The following PHACTR2 variants were observed in gnomAD, a reference collection of about 807,000 sequenced individuals.
PHACTR2 encodes the protein phosphatase and actin regulator 2, also known as chromosome 6 open reading frame 56.
A neutral mutation model predicts 76.0 loss-of-function variants in PHACTR2; 30 were observed. The observed-to-expected ratio is 0.39, with a 90% CI of 0.30 to 0.54. The LOEUF (loss-of-function observed/expected upper bound fraction) is 0.54. PHACTR2 is among the 20% of genes least tolerant of loss of function. The probability of loss-of-function intolerance (pLI) is 0.61; values close to 1 mark genes in which losing one functional copy is unlikely to be tolerated. For missense variants in PHACTR2, 696 were observed against 781.1 expected (o/e 0.89, Z 1.30); for synonymous variants, 292 against 292.5 (o/e 1.00, Z 0.02).
In PHACTR2 at chr6:143,581,664, T is replaced by C. The variant is rs1367005740; in HGVS notation, c.217+44457T>C. ...GGGCAACATGATGAAACCCTGTCTC[T>C]ACCAAAAAATACGAACATTAGCTGG... On this transcript the variant is annotated intron_variant, in intron 1 of 11. Transcript: ENST00000367584. This position sits in a 1 kb window ranked among gnomAD's most constrained non-coding sequence, Gnocchi z 4.5. Among the ~76,000 whole-genome samples the C allele has an allele frequency of 1.3e-5, 2 of 152,008 alleles. No individual in the cohort carries two copies. Among genetic ancestry groups the C allele is most frequent in the Admixed American group, 6.5e-5 (1 of 15,268 alleles).
intron 1 of PHACTR2, among the ~76,000 whole-genome samples, chr6:143,576,580 A>C (rs1374266263): frequency 6.6e-6 from 1 of 152,186 alleles, no homozygotes; most frequent in Non-Finnish European, 1.5e-5. Context: ...TTAACTTAAA[A>C]ATTGTTTGAA....
intron 1 of PHACTR2, among the ~76,000 whole-genome samples, chr6:143,638,577 A>ACACC (rs1491259868): frequency 1.0e-4 from 2 of 19,338 alleles, no homozygotes; most frequent in Admixed American, 1.4e-3. Context: ...ACACACACAT[A>ACACC]CACACACACA....
rs765641113 is a variant in PHACTR2, at chr6:143,765,351, A to C, written c.785A>C (p.Lys262Thr). Reference protein sequence around the residue: ...SSTSSRPKASKETVSSKAGTV... With the variant: ...SSTSSRPKASTETVSSKAGTV... ...ACCTCATCTCGTCCCAAAGCTTCAA[A>C]GGAGACAGTTTCTAGCAAAGCAGGG... The change falls in exon 6 of 13, where the codon AAG becomes ACG. Residue 262 changes from lysine (K) to threonine (T), a missense_variant. Around this residue, in one of 2 missense-constraint regions of PHACTR2, gnomAD observed 460 missense variants for 450.9 expected, o/e 1.02. Coordinates refer to ENST00000440869, the MANE Select transcript of PHACTR2 (RefSeq NM_001100164.2). This position sits in a 1 kb window ranked among gnomAD's most constrained non-coding sequence, Gnocchi z 4.1. 1 of 1,614,200 alleles carries C rather than the reference A, an allele frequency of 6.2e-7. No homozygotes were observed. The highest frequency in any genetic ancestry group is 8.5e-7 in the Non-Finnish European group (1 of 1,180,022).
At chr6:143,741,424 C>G (rs1180142799) in intron 2 of PHACTR2, among the ~76,000 whole-genome samples, 1 of 152,120 alleles carries the variant, frequency 6.6e-6, no homozygotes, top group Non-Finnish European at 1.5e-5. Flanking sequence ...ACCCGGGAGG[C>G]AGAGGTTACA....
chr6:143,614,771 C>T (rs1277465864), intron 1 of PHACTR2, among the ~76,000 whole-genome samples: 4 of 152,130 alleles, frequency 2.6e-5, no homozygotes, highest in Non-Finnish European at 5.9e-5. Flanking sequence ...ATAAACATCA[C>T]CATCAGATGA....
At position 143,548,076 on chromosome 6, in the gene PHACTR2, C is replaced by G. The variant is rs1380002792; in HGVS notation, c.217+10869C>G. 6.6e-6 allele frequency among the ~76,000 whole-genome samples: 1 copy of G among 152,134 alleles called. No homozygotes were observed. The highest frequency in any genetic ancestry group is 2.4e-5 in the African/African-American group (1 of 41,412). ...GAAGTTTATTTCTCTTATTATGTCT[C>G]ACAGTTCTGGAGGCTGGAAGTTCAA... On this transcript the variant is annotated intron_variant, in intron 1 of 11. Transcript: ENST00000367584. The surrounding 1 kb of genome is among the most constrained non-coding windows in gnomAD (Gnocchi z 4.5).
intron 1 of PHACTR2, among the ~76,000 whole-genome samples, chr6:143,620,579 T>C (rs1308128592): frequency 6.6e-6 from 1 of 152,220 alleles, no homozygotes; most frequent in African/African-American, 2.4e-5. Flanking sequence ...TTTATAGATA[T>C]GAAACTAAGG....
intron 5 of PHACTR2, among the ~76,000 whole-genome samples, chr6:143,762,666 G>A (rs1562297235): frequency 3.3e-5 from 5 of 152,128 alleles, no homozygotes; most frequent in Admixed American, 3.3e-4. Flanking sequence ...TGCTACTCTT[G>A]ATGTTCAGCC....
rs542168637 is a variant in PHACTR2, at chr6:143,806,367, A to C, written c.1846-690A>C. On this transcript the variant is annotated intron_variant, in intron 11 of 12. Transcript: ENST00000440869. This position sits in a 1 kb window ranked among gnomAD's most constrained non-coding sequence, Gnocchi z 5.8. ...AAACTTCCAATATTAAAGAATATAT[A>C]AGCAACTGCTTTCTCTGTAGCTCTC... Among the ~76,000 whole-genome samples the C allele has an allele frequency of 8.0e-4, 122 of 152,336 alleles. 1 individual carries two copies. The highest frequency in any genetic ancestry group is 4.9e-3 in the Admixed American group (75 of 15,300).
intron 1 of PHACTR2, among the ~76,000 whole-genome samples, chr6:143,568,269 T>C (rs1046291616): frequency 6.6e-6 from 1 of 152,128 alleles, no homozygotes; most frequent in Non-Finnish European, 1.5e-5. Flanking sequence ...CTCCATGAAA[T>C]GGGTACCATA....
At chr6:143,810,467 T>C in intron 12 of PHACTR2, 1 of 383,940 alleles carries the variant, frequency 2.6e-6, no homozygotes, top group Non-Finnish European at 5.3e-6. Flanking sequence ...GGTCGAGAGG[T>C]TTATATTCTA....
rs377646509 is a variant in PHACTR2 at position 143,753,833 on chromosome 6, T to C, written c.375T>C (p.Asn125=). ...GAGAGGAATCTACCCGAGAGGAAAA[T>C]GTAGTAAAGTCTGAAGAAGGTAATG... The part of the protein sequence containing the change: ...PIGEESTREE[N]VVKSEEGNGS... Residue 125 remains asparagine, a synonymous_variant, in exon 4 of 13, where the codon AAT becomes AAC. Transcript: ENST00000440869. The surrounding 1 kb of genome is among the most constrained non-coding windows in gnomAD (Gnocchi z 4.6). 309 of 1,612,554 alleles carry C rather than the reference T, an allele frequency of 1.9e-4. 1 individual carries two copies. The highest frequency in any genetic ancestry group is 2.5e-4 in the Non-Finnish European group (289 of 1,179,232).
chr6:143,610,911 C>T lies in PHACTR2; in HGVS notation c.13+2589C>T, dbSNP rs1160840715. On this transcript the variant is annotated intron_variant, in intron 1 of 11. Transcript: ENST00000305766. The surrounding 1 kb of genome is among the most constrained non-coding windows in gnomAD (Gnocchi z 4.9). Reference sequence around the variant, plus strand: ...ATCTAACATTTTCTTCTTTTTTTTTCAAATGGCTATTTCTTCTTAGAAGTT... The same window carrying T: ...ATCTAACATTTTCTTCTTTTTTTTTTAAATGGCTATTTCTTCTTAGAAGTT... Among the ~76,000 whole-genome samples the T allele has an allele frequency of 6.6e-6, 1 of 150,600 alleles. No homozygotes were observed. The highest frequency in any genetic ancestry group is 2.4e-5 in the African/African-American group (1 of 41,032).
chr6:143,605,184 A>C (rs1424282017), upstream of PHACTR2, among the ~76,000 whole-genome samples: 5 of 152,128 alleles, frequency 3.3e-5, no homozygotes, highest in African/African-American at 1.2e-4. The surrounding 1 kb of genome is among the most constrained non-coding windows in gnomAD (Gnocchi z 5.0). Context: ...GTGGGATCAC[A>C]CTGAGGGTAC....
chr6:143,575,189 T>C (rs1174063894), intron 1 of PHACTR2, among the ~76,000 whole-genome samples: 2 of 152,254 alleles, frequency 1.3e-5, no homozygotes, highest in Admixed American at 1.3e-4. Context: ...AATTAATTTC[T>C]CCATATTGTT....
In PHACTR2 at chr6:143,772,166, C is replaced by G. The variant is rs1221984751; in HGVS notation, c.1233-92C>G. ...TCTGCTTTCCTCAGCCTGAAGGAAG[C>G]CCATGAAACTAGAGCTCTTTTTCTT... On this transcript the variant is annotated intron_variant, in intron 6 of 12. Coordinates refer to ENST00000440869, the MANE Select transcript of PHACTR2 (RefSeq NM_001100164.2). The surrounding 1 kb of genome is among the most constrained non-coding windows in gnomAD (Gnocchi z 5.4). The G allele has an allele frequency of 1.2e-6, 1 of 838,622 alleles. No individual in the cohort carries two copies. Among genetic ancestry groups the G allele is most frequent in the African/African-American group, 1.7e-5 (1 of 59,722 alleles). 51.9% of individuals were successfully genotyped at this position (838,622 alleles called of 1,614,324 possible).
In PHACTR2 at chr6:143,783,004, CAT is replaced by C. The variant is rs1491157878; in HGVS notation, c.1646-214_1646-213del. Reference sequence around the variant, plus strand: ...AAGCAAACCAGTCCTACAAAAAAAGCATGTGTGTGTGTGTGTGTGTGTGTGTG... The same window carrying C: ...AAGCAAACCAGTCCTACAAAAAAAGCGTGTGTGTGTGTGTGTGTGTGTGTG... On this transcript the variant is annotated intron_variant, in intron 9 of 12. Transcript: ENST00000440869. The surrounding 1 kb of genome is among the most constrained non-coding windows in gnomAD (Gnocchi z 5.2). Among the ~76,000 whole-genome samples the C allele has an allele frequency of 7.2e-5, 3 of 41,756 alleles. No homozygotes were observed. Among genetic ancestry groups the C allele is most frequent in the African/African-American group, 2.6e-4 (3 of 11,626 alleles). 27.4% of individuals were successfully genotyped at this position (41,756 alleles called of 152,430 possible). A position where few individuals can be genotyped will look rare whatever the true frequency, so the allele number is the denominator to read the frequency against.
At chr6:143,650,967 A>G (rs1383436941) in intron 1 of PHACTR2, among the ~76,000 whole-genome samples, 1 of 152,174 alleles carries the variant, frequency 6.6e-6, no homozygotes, top group African/African-American at 2.4e-5. Flanking sequence ...ATCTATTAAT[A>G]CAAGGAACTT....
Position 143,595,224 on chromosome 6 carries a change from T to C in PHACTR2, c.217+58017T>C, listed in dbSNP as rs540550142. On this transcript the variant is annotated intron_variant, in intron 1 of 11. Coordinates refer to the PHACTR2 transcript ENST00000367584. This position sits in a 1 kb window ranked among gnomAD's most constrained non-coding sequence, Gnocchi z 4.2. ...ATTAGAGGATGGGCACTAAAATATATATGAACTAAGTTAAGTATGTCAAAT... is the reference window on the plus strand; with the variant it reads ...ATTAGAGGATGGGCACTAAAATATACATGAACTAAGTTAAGTATGTCAAAT... 2.0e-5 allele frequency among the ~76,000 whole-genome samples: 3 copies of C among 152,296 alleles called. No individual in the cohort carries two copies. Among genetic ancestry groups the C allele is most frequent in the African/African-American group, 4.8e-5 (2 of 41,562 alleles).
Sources: gnomAD v4.1 joint callset for allele counts (sites outside exome capture counted in the v4.1 genomes callset) on GRCh38, gnomAD v4.1.1 for gene constraint, gnomAD v4.1.1 regional missense constraint, Gnocchi (gnomAD v3.1) non-coding constraint, MANE v1.5 for transcripts, NCBI Gene and HGNC (gene_info 2026-07-23, HGNC 2026-07-21) for gene names.